The following MED15 variants were observed in gnomAD, a reference collection of about 807,000 sequenced individuals.
MED15 encodes mediator of RNA polymerase II transcription subunit 15.
Under a neutral mutation model 118.7 loss-of-function variants are expected in MED15, and 41 were observed. The observed-to-expected ratio is 0.35, with a 90% CI of 0.27 to 0.45. The LOEUF (loss-of-function observed/expected upper bound fraction) is 0.45, where lower values mean the gene tolerates loss of function less well. Ranked by LOEUF, MED15 falls within the 20% of genes least tolerant of loss-of-function variation. MED15 has a pLI of 1.00. For synonymous variants in MED15, 436 were observed against 413.9 expected (o/e 1.05, Z -0.65); for missense variants, 740 against 1,025.5 (o/e 0.72, Z 3.80).
chr22:20,508,161 TGGG>T, intron 1 of MED15: 1 of 1,216,118 alleles, frequency 8.2e-7, no homozygotes, highest in South Asian at 1.5e-5. Flanking sequence ...AAGAAAGTGA[TGGG>T]AGGAGGGTGG....
chr22:20,521,688 G>A (rs935119154), intron 1 of MED15, among the ~76,000 whole-genome samples: 6 of 149,022 alleles, frequency 4.0e-5, no homozygotes, highest in African/African-American at 9.9e-5. Context: ...GAGCCACTGC[G>A]CCTGGCCTTA....
chr22:20,520,929 G>A (rs1025940510), intron 1 of MED15, among the ~76,000 whole-genome samples: 1 of 151,456 alleles, frequency 6.6e-6, no homozygotes, highest in Non-Finnish European at 1.5e-5. Context: ...TTGTAGAGAT[G>A]GGGTTTTGCC....
intron 14 of MED15, 30 bp from the exon 15 acceptor site, chr22:20,584,825 G>T: frequency 6.2e-7 from 1 of 1,608,418 alleles, no homozygotes; most frequent in Non-Finnish European, 8.5e-7. Context: ...TCGGGTCCCG[G>T]GCTGCTGACC....
chr22:20,574,989 G>A, intron 8 of MED15, 124 bp from the exon 9 acceptor site: 3 of 1,457,764 alleles, frequency 2.1e-6, no homozygotes, highest in Non-Finnish European at 2.8e-6. Flanking sequence ...GCTGCCCCGA[G>A]CTGCCCAAGC....
At chr22:20,515,313 G>A (rs2054210989) in intron 1 of MED15, among the ~76,000 whole-genome samples, 1 of 152,170 alleles carries the variant, frequency 6.6e-6, no homozygotes, top group South Asian at 2.1e-4. Flanking sequence ...AGGAAAATGA[G>A]ACCTAGAGGA....
At chr22:20,537,291 C>A in intron 2 of MED15, 87 bp downstream of exon 2, 1 of 1,199,792 alleles carries the variant, frequency 8.3e-7, no homozygotes. Flanking sequence ...GTTGGGTGTC[C>A]TAGGGTGTAG....
chr22:20,533,560 AGCCTTGCTGGAGGAGC>A (rs1162757092), intron 1 of MED15, among the ~76,000 whole-genome samples: 8 of 152,158 alleles, frequency 5.3e-5, no homozygotes, highest in Admixed American at 2.0e-4. Flanking sequence ...TCTGAGCGGT[AGCCTTGCTGGAGGAGC>A]GCCTTGCCGG....
At chr22:20,562,912 T>C (rs958644449) in intron 5 of MED15, among the ~76,000 whole-genome samples, 10 of 151,958 alleles carry the variant, frequency 6.6e-5, no homozygotes, top group Non-Finnish European at 1.5e-4. Flanking sequence ...GGCATGCACC[T>C]GTAGTTCCAG....
In MED15 at chr22:20,547,266, A is replaced by G. The variant is rs189146160; in HGVS notation, c.157-4170A>G. Among the ~76,000 whole-genome samples the G allele has an allele frequency of 1.6e-3, 244 of 152,252 alleles. 1 individual carries two copies. The highest frequency in any genetic ancestry group is 5.5e-3 in the African/African-American group (229 of 41,550). The stretch of plus-strand genomic sequence containing the variant: ...TTGAGAACATTTTGCTTTTTGTTTC[A>G]TTTTTTTAAAAAGCCTCTCAAAAGA... On this transcript the variant is annotated intron_variant, in intron 2 of 17. Coordinates refer to ENST00000263205, the MANE Select transcript of MED15 (RefSeq NM_001003891.3).
intron 16 of MED15, 90 bp downstream of exon 16, chr22:20,585,357 C>T: frequency 1.3e-6 from 2 of 1,509,300 alleles, no homozygotes; most frequent in South Asian, 1.2e-5. Context: ...TGGCACAGCG[C>T]CCAGAACCCA....
At chr22:20,564,119 TA>T (rs1423270143) in intron 5 of MED15, among the ~76,000 whole-genome samples, 5 of 152,228 alleles carry the variant, frequency 3.3e-5, no homozygotes, top group African/African-American at 1.2e-4. Flanking sequence ...ATGCCATTCG[TA>T]CAAAGAGTCC....
At chr22:20,512,305 T>C (rs1467781739) in intron 1 of MED15, among the ~76,000 whole-genome samples, 1 of 152,034 alleles carries the variant, frequency 6.6e-6, no homozygotes, top group African/African-American at 2.4e-5. Context: ...TCTTTCTTTT[T>C]AACCAATTTA....
intron 1 of MED15, among the ~76,000 whole-genome samples, chr22:20,531,279 G>A (rs2054852926): frequency 6.6e-6 from 1 of 152,226 alleles, no homozygotes; most frequent in African/African-American, 2.4e-5. Context: ...ATTTGGAATA[G>A]GAAGGAGGTG....
intron 1 of MED15, chr22:20,508,276 GCAGGAAGCCGCTGT>G (rs1601417084): frequency 7.7e-7 from 1 of 1,298,672 alleles, no homozygotes; most frequent in South Asian, 1.2e-5. Context: ...CCGAAGGATG[GCAGGAAGCCGCTGT>G]CAGGAAGCGA....
At chr22:20,513,236 C>T (rs895355917) in intron 1 of MED15, among the ~76,000 whole-genome samples, 9 of 151,920 alleles carry the variant, frequency 5.9e-5, no homozygotes, top group Admixed American at 3.9e-4. Context: ...GCTCTGGAGC[C>T]CCTGCTTTCT....
At chr22:20,560,294 C>T (rs1169679521) in intron 5 of MED15, among the ~76,000 whole-genome samples, 1 of 151,218 alleles carries the variant, frequency 6.6e-6, no homozygotes, top group Admixed American at 6.6e-5. Context: ...AAGATGGAAT[C>T]TCGCTCTGTC....
rs779999328 is a variant in MED15 at position 20,584,884 on chromosome 22, G to A, written c.1833G>A (p.Pro611=). 2.8e-5 allele frequency: 45 copies of A among 1,612,716 alleles called. No homozygotes were observed. Among genetic ancestry groups the A allele is most frequent in the Middle Eastern group, 1.7e-4 (1 of 5,734 alleles). Residue 611 remains proline, a synonymous_variant, in exon 15 of 18, where the codon CCG becomes CCA. Coordinates refer to ENST00000263205, the MANE Select transcript of MED15 (RefSeq NM_001003891.3). ...VPTPPPPPVP[P]TKQQYLCQPL... ...CTCCCCCACCGCCCCCGGTGCCACC[G>A]ACCAAACAGCAGTACCTATGCCAGC...
intron 1 of MED15, among the ~76,000 whole-genome samples, chr22:20,513,967 G>A (rs930233970): frequency 1.8e-4 from 27 of 152,088 alleles, no homozygotes; most frequent in African/African-American, 5.3e-4. Context: ...AGGCTTAAGC[G>A]ATCCTCCCAC....
intron 1 of MED15, among the ~76,000 whole-genome samples, chr22:20,525,648 T>A (rs1045587216): frequency 6.7e-6 from 1 of 150,014 alleles, no homozygotes; most frequent in Non-Finnish European, 1.5e-5. Context: ...GTGATTCTCC[T>A]GCCTCAGCCT....
Sources: allele counts gnomAD v4.1 joint callset (sites outside exome capture counted in the v4.1 genomes callset), GRCh38; gene constraint gnomAD v4.1.1; transcripts MANE v1.5; gene names NCBI Gene and HGNC (gene_info 2026-07-23, HGNC 2026-07-21).